SLC45A4: variants seen among roughly 807,000 people sequenced by gnomAD.
SLC45A4 encodes solute carrier family 45 member 4, also known as polyamine-transporter SLC45A4.
In SLC45A4, 32 loss-of-function variants were observed where a neutral mutation model predicts 63.7. That is an observed-to-expected ratio of 0.50 (90% CI 0.38 to 0.67). The LOEUF is 0.67. SLC45A4 is among the 30% of genes least tolerant of loss of function. SLC45A4 has a pLI of 0.00. For missense variants in SLC45A4, 1,027 were observed against 1,157.7 expected, an observed-to-expected ratio of 0.89 and a Z score of 1.64; for synonymous variants, 535 against 510.0, an observed-to-expected ratio of 1.05 and a Z score of -0.66.
intron 2 of SLC45A4, among the ~76,000 whole-genome samples, chr8:141,245,276 G>C (rs1211689628): frequency 6.6e-6 from 1 of 152,180 alleles, no homozygotes; most frequent in Non-Finnish European, 1.5e-5. Context: ...GATTCTCCAA[G>C]AGGAGCCAAC....
intron 1 of SLC45A4, among the ~76,000 whole-genome samples, chr8:141,267,812 C>A (rs1006574172): frequency 1.0e-4 from 15 of 150,074 alleles, no homozygotes; most frequent in African/African-American, 3.8e-4. Flanking sequence ...CGGACAACAC[C>A]AAAAGCAGGT....
intron 1 of SLC45A4, among the ~76,000 whole-genome samples, chr8:141,275,935 T>TG (rs1297898125): frequency 6.6e-6 from 1 of 151,428 alleles, no homozygotes; most frequent in Non-Finnish European, 1.5e-5. Context: ...TTTTTTGAGA[T>TG]GGGGTCTTAC....
intron 1 of SLC45A4, among the ~76,000 whole-genome samples, chr8:141,301,646 G>C (rs1488242363): frequency 6.7e-6 from 1 of 149,336 alleles, no homozygotes; most frequent in Non-Finnish European, 1.5e-5. Context: ...GAGGTGGGAG[G>C]ATCACTTGAG....
rs1345188069 is a variant in SLC45A4 at position 141,269,875 on chromosome 8, G to A, written c.-400-15246C>T. On this transcript the variant is annotated intron_variant, in intron 1 of 8. Transcript: ENST00000517878. Reference sequence around the variant, plus strand: ...AATCTGGAAGGGCCCCCAGGAATGAGCGGACACCGTATGGCCACAGTGTGT... The same window carrying A: ...AATCTGGAAGGGCCCCCAGGAATGAACGGACACCGTATGGCCACAGTGTGT... Among the ~76,000 whole-genome samples, 3 of 152,176 alleles carry A rather than the reference G, an allele frequency of 2.0e-5. No individual in the cohort carries two copies. The East Asian group carries it at 5.8e-4, about 29-fold the overall frequency.
At chr8:141,283,598 C>T (rs1830038716) in intron 1 of SLC45A4, among the ~76,000 whole-genome samples, 1 of 152,184 alleles carries the variant, frequency 6.6e-6, no homozygotes, top group Non-Finnish European at 1.5e-5. Context: ...GGACAAAGGG[C>T]ACCACCGGGC....
At chr8:141,305,246 G>T (rs1193792297) in intron 1 of SLC45A4, among the ~76,000 whole-genome samples, 2 of 152,178 alleles carry the variant, frequency 1.3e-5, no homozygotes, top group Non-Finnish European at 2.9e-5. Context: ...TCTAGGAGCC[G>T]GTGGGGGAGG....
chr8:141,212,263 T>C lies in SLC45A4; in HGVS notation c.2235A>G (p.Glu745=). The C allele has an allele frequency of 6.3e-7, 1 of 1,592,274 alleles. No homozygotes were observed. The highest frequency in any genetic ancestry group is 8.6e-7 in the Non-Finnish European group (1 of 1,168,008). ...GCGTGAGCTTCAGCACGGTGGGCTT[T>C]TCGCTGTTCCCACCGGCCCTGCCTT... is the stretch of plus-strand genomic sequence containing the variant. ...AGEGRAGGNS[E]KPTVLKLTRK... Residue 745 remains glutamate, a synonymous_variant, in exon 8 of 9, where the codon GAA becomes GAG. Transcript: ENST00000517878.
At chr8:141,265,420 G>A (rs568411145) in intron 1 of SLC45A4, among the ~76,000 whole-genome samples, 83 of 152,360 alleles carry the variant, frequency 5.4e-4, no homozygotes, top group Non-Finnish European at 1.0e-3. Context: ...AGCGCGGGGC[G>A]TGTTCTCACA....
chr8:141,249,365 A>G (rs1238850827), intron 2 of SLC45A4, among the ~76,000 whole-genome samples: 2 of 152,266 alleles, frequency 1.3e-5, no homozygotes, highest in African/African-American at 4.8e-5. Flanking sequence ...TGGCAGGTCC[A>G]TTCAGTGGAG....
At chr8:141,270,776 C>T (rs1001904767) in intron 1 of SLC45A4, among the ~76,000 whole-genome samples, 74 of 152,088 alleles carry the variant, frequency 4.9e-4, no homozygotes, top group African/African-American at 1.7e-3. Flanking sequence ...ACTCTACATA[C>T]CAAAGGGCCC....
intron 1 of SLC45A4, among the ~76,000 whole-genome samples, chr8:141,273,369 T>A (rs895730272): frequency 1.3e-5 from 2 of 152,152 alleles, no homozygotes; most frequent in Non-Finnish European, 2.9e-5. Flanking sequence ...AGCCTGCGCA[T>A]CCCCTGAAAT....
chr8:141,257,783 C>A (rs879852779), intron 1 of SLC45A4, among the ~76,000 whole-genome samples: 2 of 152,166 alleles, frequency 1.3e-5, no homozygotes, highest in Non-Finnish European at 2.9e-5. Context: ...GCCAGGGATG[C>A]CTTTCAACTC....
chr8:141,244,076 C>T (rs1187457940), intron 2 of SLC45A4, among the ~76,000 whole-genome samples: 3 of 152,116 alleles, frequency 2.0e-5, no homozygotes, highest in African/African-American at 7.2e-5. Flanking sequence ...GCTGTATACC[C>T]AACTGCCCTC....
Position 141,218,677 on chromosome 8 carries a change from C to T in SLC45A4, c.963G>A (p.Glu321=), listed in dbSNP as rs1826367730. The T allele has an allele frequency of 6.2e-7, 1 of 1,613,032 alleles. No individual in the cohort carries two copies. Among genetic ancestry groups the T allele is most frequent in the South Asian group, 1.1e-5 (1 of 91,050 alleles). The change falls in exon 5 of 9, where the codon GAG becomes GAA. Residue 321 remains glutamate, a synonymous_variant. Transcript: ENST00000517878. The part of the protein sequence containing the change: ...LHVPDTALDL[E]PELLFLHDIE... ...TGTCGTGCAGGAACAGCAGCTCGGG[C>T]TCCAGGTCCAGCGCGGTGTCCGGCA...
At position 141,271,175 on chromosome 8, in the gene SLC45A4, A is replaced by G. The variant is rs563996451; in HGVS notation, c.-400-16546T>C. On this transcript the variant is annotated intron_variant, in intron 1 of 8. Coordinates refer to ENST00000517878, the MANE Select transcript of SLC45A4 (RefSeq NM_001286646.2). The stretch of plus-strand genomic sequence containing the variant: ...ACATTATGGCTAGGAAATCCACTGG[A>G]AACTGAGCTTACTGGAAGAGCTCCC... 3.8e-3 allele frequency among the ~76,000 whole-genome samples: 576 copies of G among 152,344 alleles called. 8 individuals carry two copies. Among genetic ancestry groups the G allele is most frequent in the African/African-American group, 0.013 (550 of 41,594 alleles).
At chr8:141,307,744 C>A (rs977490407) in intron 1 of SLC45A4, among the ~76,000 whole-genome samples, 28 of 82,012 alleles carry the variant, frequency 3.4e-4, no homozygotes, top group African/African-American at 1.3e-3. Flanking sequence ...GAACTGGGGG[C>A]GGGGAGGACT....
At chr8:141,272,752 G>A (rs570229276) in intron 1 of SLC45A4, among the ~76,000 whole-genome samples, 9 of 152,114 alleles carry the variant, frequency 5.9e-5, no homozygotes, top group Admixed American at 2.6e-4. Context: ...CCTCGCCAGC[G>A]CTGCCTGGAG....
intron 1 of SLC45A4, among the ~76,000 whole-genome samples, chr8:141,276,953 A>G (rs1426315279): frequency 6.6e-6 from 1 of 152,188 alleles, no homozygotes; most frequent in African/African-American, 2.4e-5. Flanking sequence ...CCCCCGGCCT[A>G]AGCACTGCCC....
chr8:141,289,352 T>C (rs1563677022), intron 1 of SLC45A4, among the ~76,000 whole-genome samples: 1 of 152,178 alleles, frequency 6.6e-6, no homozygotes, highest in Non-Finnish European at 1.5e-5. Flanking sequence ...CACGCCTTAG[T>C]TCCCCTTAAC....
Sources: allele counts gnomAD v4.1 joint callset (sites outside exome capture counted in the v4.1 genomes callset), GRCh38; gene constraint gnomAD v4.1.1; transcripts MANE v1.5; gene names NCBI Gene and HGNC (gene_info 2026-07-23, HGNC 2026-07-21).